The following NIPSNAP3B variants were observed in gnomAD, a reference collection of about 807,000 sequenced individuals.
The protein encoded by NIPSNAP3B is protein NipSnap homolog 3B.
A neutral mutation model predicts 31.5 loss-of-function variants in NIPSNAP3B; 30 were observed. That is an observed-to-expected ratio of 0.95 (90% CI 0.71 to 1.29). The LOEUF is 1.29. NIPSNAP3B is among the 50% of genes most tolerant of loss of function. NIPSNAP3B has a pLI of 0.00. For missense variants in NIPSNAP3B, 269 were observed against 300.7 expected (o/e 0.89, Z 0.78); for synonymous variants, 106 against 107.9 (o/e 0.98, Z 0.11).
chr9:104,785,732 A>G, the NIPSNAP3B span: 18 of 1,524,100 alleles, frequency 1.2e-5, no homozygotes, highest in East Asian at 3.8e-4. Flanking sequence ...GCCATGAAAA[A>G]GGGCGGCCCC....
the NIPSNAP3B span, chr9:104,786,721 G>C: frequency 1.3e-6 from 1 of 772,278 alleles, no homozygotes; most frequent in Non-Finnish European, 2.2e-6. Flanking sequence ...TACTGGGCTT[G>C]CATTTTTGTA....
chr9:104,772,417 A>G (rs1828243625), intron 4 of NIPSNAP3B, among the ~76,000 whole-genome samples: 1 of 152,092 alleles, frequency 6.6e-6, no homozygotes, highest in Non-Finnish European at 1.5e-5. Flanking sequence ...ATTTTTTTTA[A>G]AGGAAACACA....
At chr9:104,768,372 A>C (rs1828133149) in intron 2 of NIPSNAP3B, among the ~76,000 whole-genome samples, 1 of 152,200 alleles carries the variant, frequency 6.6e-6, no homozygotes. Context: ...ACCTTGACCT[A>C]ATCACCCACC....
intron 1 of NIPSNAP3B, 106 bp downstream of exon 1, chr9:104,764,406 C>A: frequency 2.1e-6 from 2 of 941,918 alleles, no homozygotes; most frequent in Non-Finnish European, 3.0e-6. Context: ...AGACCTGGGG[C>A]CCCGCGCCGC....
At chr9:104,766,556 AGTATTC>A in intron 2 of NIPSNAP3B, 21 bp downstream of exon 2, 2 of 1,593,998 alleles carry the variant, frequency 1.3e-6, no homozygotes, top group Non-Finnish European at 1.7e-6. Context: ...ATCCAGTTTT[AGTATTC>A]AGTATAGATT....
intron 1 of NIPSNAP3B, 110 bp downstream of exon 1, chr9:104,764,410 G>GCGC (rs1828047085): frequency 1.1e-6 from 1 of 927,712 alleles, no homozygotes; most frequent in Non-Finnish European, 1.5e-6. Flanking sequence ...CTGGGGCCCC[G>GCGC]CGCCGCCGCC....
rs766793260 is a variant in NIPSNAP3B at position 104,766,484 on chromosome 9, A to C, written c.220A>C (p.Ser74Arg). 2 of 1,613,780 alleles carry C rather than the reference A, an allele frequency of 1.2e-6. No individual in the cohort carries two copies. The highest frequency in any genetic ancestry group is 2.2e-5 in the South Asian group (2 of 91,066). Residue 74 changes from serine (S) to arginine (R), a missense_variant, in exon 2 of 6, where the codon AGT becomes CGT. Transcript: ENST00000374762. The stretch of plus-strand genomic sequence containing the variant: ...TTACTCTGAATTGGTTGGATTCTGG[A>C]GTGTAGAATTTGGAGGCAGAACGAA... ...TSYSELVGFW[S>R]VEFGGRTNKV... is the part of the protein sequence containing the mutation.
At chr9:104,765,727 TG>T (rs370418497) in intron 1 of NIPSNAP3B, among the ~76,000 whole-genome samples, 11 of 152,336 alleles carry the variant, frequency 7.2e-5, no homozygotes, top group African/African-American at 2.6e-4. Flanking sequence ...ACAATGCAAT[TG>T]GATAAGTTAT....
At chr9:104,784,969 C>T in the NIPSNAP3B span, among the ~76,000 whole-genome samples, 39 of 152,100 alleles carry the variant, frequency 2.6e-4, 1 homozygote, top group Admixed American at 2.2e-3. Context: ...ATATCGCCCC[C>T]CACCCCTACA....
At chr9:104,790,315 G>A in the NIPSNAP3B span, among the ~76,000 whole-genome samples, 1 of 152,014 alleles carries the variant, frequency 6.6e-6, no homozygotes, top group Non-Finnish European at 1.5e-5. Context: ...AATAAAAGAT[G>A]TATACAGGGA....
downstream of NIPSNAP3B, among the ~76,000 whole-genome samples, chr9:104,778,710 A>C (rs1368220327): frequency 6.6e-6 from 1 of 152,110 alleles, no homozygotes; most frequent in African/African-American, 2.4e-5. Context: ...CTATCTCCAA[A>C]GTGGATACTG....
the NIPSNAP3B span, chr9:104,788,675 C>A: frequency 1.5e-6 from 2 of 1,327,240 alleles, no homozygotes; most frequent in Non-Finnish European, 2.1e-6. Flanking sequence ...ACAAAGATAC[C>A]AATACATCTG....
At chr9:104,768,738 C>T (rs1828139566) in intron 2 of NIPSNAP3B, 125 bp from the exon 3 acceptor site, 4 of 708,304 alleles carry the variant, frequency 5.6e-6, no homozygotes, top group African/African-American at 1.8e-5. Context: ...GTTGGCATCT[C>T]CAGCGACATA....
rs796258499 is a variant in NIPSNAP3B at position 104,776,673 on chromosome 9, A to G, written c.*3600A>G. 1.1e-4 allele frequency among the ~76,000 whole-genome samples: 16 copies of G among 152,348 alleles called. No individual in the cohort carries two copies. The highest frequency in any genetic ancestry group is 3.1e-4 in the African/African-American group (13 of 41,578). ...TACTCTTGTTACAGCAACCTGAACTAAGACACTATCCCTCTCCCCTGCTTT... is the reference window on the plus strand; with the variant it reads ...TACTCTTGTTACAGCAACCTGAACTGAGACACTATCCCTCTCCCCTGCTTT... On this transcript the variant is annotated 3_prime_UTR_variant, in exon 6 of 6. Transcript: ENST00000374762.
chr9:104,768,742 C>T, intron 2 of NIPSNAP3B, 121 bp from the exon 3 acceptor site: 1 of 738,116 alleles, frequency 1.4e-6, no homozygotes. Flanking sequence ...GCATCTCCAG[C>T]GACATAATAA....
At chr9:104,772,700 A>G (rs1828249822) in intron 4 of NIPSNAP3B, 122 bp from the exon 5 acceptor site, 2 of 1,173,876 alleles carry the variant, frequency 1.7e-6, no homozygotes, top group Non-Finnish European at 2.5e-6. Context: ...TAACTAACAT[A>G]TTTAGTTTTA....
the NIPSNAP3B span, chr9:104,786,485 A>C: frequency 9.1e-7 from 1 of 1,100,826 alleles, no homozygotes; most frequent in Non-Finnish European, 1.4e-6. Context: ...TTCCTAGGGA[A>C]TTGTATTCTG....
At position 104,772,984 on chromosome 9, in the gene NIPSNAP3B, A is replaced by C. The variant is rs778348014; in HGVS notation, c.668-13A>C. ...CCAATAACTGTATGCCTTCTTATGA[A>C]ATGTTTTTCCAGTTCGGGAAAGTGT... On this transcript the variant is annotated splice_polypyrimidine_tract_variant and intron_variant, in intron 5 of 5. Transcript: ENST00000374762. 6.2e-7 allele frequency: 1 copy of C among 1,614,064 alleles called. No individual in the cohort carries two copies. Among genetic ancestry groups the C allele is most frequent in the Admixed American group, 1.7e-5 (1 of 60,020 alleles).
At chr9:104,785,591 C>T in the NIPSNAP3B span, 3,226 of 1,614,088 alleles carry the variant, frequency 2.0e-3, 46 homozygotes, top group African/African-American at 0.038. Flanking sequence ...GCTTCAGGTC[C>T]GGGTTGGACC....
Sources: allele counts gnomAD v4.1 joint callset (sites outside exome capture counted in the v4.1 genomes callset), GRCh38; gene constraint gnomAD v4.1.1; transcripts MANE v1.5; gene names NCBI Gene and HGNC (gene_info 2026-07-23, HGNC 2026-07-21).